Variants in SLC2A2 observed in about 807,000 individuals in gnomAD.
SLC2A2 encodes solute carrier family 2, facilitated glucose transporter member 2.
In SLC2A2, 36 loss-of-function variants were observed where a neutral mutation model predicts 54.5. That is an observed-to-expected ratio of 0.66 (90% CI 0.51 to 0.87). The LOEUF is 0.87. SLC2A2 is among the 40% of genes least tolerant of loss of function. The pLI is 0.00. For missense variants in SLC2A2, 543 were observed against 624.3 expected, an observed-to-expected ratio of 0.87 and a Z score of 1.39; for synonymous variants, 223 against 219.1, an observed-to-expected ratio of 1.02 and a Z score of -0.16.
chr3:171,009,912 GGTGTGTGT>G lies in SLC2A2; in HGVS notation c.496+38_496+45del, dbSNP rs71176588. ...TTAGAGTTACTTTCAGACAAAGGTA[GGTGTGTGT>G]GTGTGTGTGTGTGTGTGTGTGTGTG... On this transcript the variant is annotated intron_variant, in intron 4 of 10. Coordinates refer to ENST00000314251, the MANE Select transcript of SLC2A2 (RefSeq NM_000340.2). 1.3e-4 allele frequency: 170 copies of G among 1,325,210 alleles called. 1 individual carries two copies. Among genetic ancestry groups the G allele is most frequent in the South Asian group, 4.5e-4 (35 of 76,948 alleles). 82.1% of individuals were successfully genotyped at this position (1,325,210 alleles called of 1,614,324 possible).
At chr3:171,016,188 AC>A (rs1716143262) in intron 2 of SLC2A2, among the ~76,000 whole-genome samples, 2 of 152,230 alleles carry the variant, frequency 1.3e-5, no homozygotes, top group African/African-American at 4.8e-5. Flanking sequence ...GTAATCTAGC[AC>A]TTTGGGAGGC....
Position 171,002,684 on chromosome 3 carries a change from C to A in SLC2A2, c.964-4G>T, listed in dbSNP as rs1256542389. 6.4e-7 allele frequency: 1 copy of A among 1,570,430 alleles called. No homozygotes were observed. Among genetic ancestry groups the A allele is most frequent in the East Asian group, 2.3e-5 (1 of 44,192 alleles). Reference sequence around the variant, plus strand: ...TGCTGGTTGAGTAGTAAAAAATCTGCAAAGTAAAAACAGGTTAGCCTTAAT... The same window carrying A: ...TGCTGGTTGAGTAGTAAAAAATCTGAAAAGTAAAAACAGGTTAGCCTTAAT... On this transcript the variant is annotated splice_polypyrimidine_tract_variant and splice_region_variant and intron_variant, in intron 7 of 10. Transcript: ENST00000314251.
chr3:171,007,115 G>A (rs759604541), intron 5 of SLC2A2, 33 bp downstream of exon 5: 1 of 1,182,596 alleles, frequency 8.5e-7, no homozygotes, highest in Non-Finnish European at 1.3e-6. Flanking sequence ...AAGTAGATGG[G>A]TGCAGTAGGG....
At chr3:171,009,619 A>G (rs11928798) in intron 4 of SLC2A2, among the ~76,000 whole-genome samples, 31,809 of 152,004 alleles carry the variant, frequency 0.21, 4,556 homozygotes, top group African/African-American at 0.41. Flanking sequence ...CGTTTTACAT[A>G]TGTTCTCACA....
chr3:171,017,550 G>A (rs145557650), intron 2 of SLC2A2, among the ~76,000 whole-genome samples: 245 of 152,234 alleles, frequency 1.6e-3, no homozygotes, highest in African/African-American at 5.2e-3. Flanking sequence ...AGAAGGCACC[G>A]AAAAAATGTT....
rs182778895 is a variant in SLC2A2, at chr3:171,005,356, A to G, written c.892T>C (p.Ser298Pro). 1 of 1,612,954 alleles carries G rather than the reference A, an allele frequency of 6.2e-7. No homozygotes were observed. The highest frequency in any genetic ancestry group is 1.1e-5 in the South Asian group (1 of 91,060). The change falls in exon 7 of 11, where the codon TCC becomes CCC. Residue 298 changes from serine to proline, a missense_variant. Ser to Pro is a moderately conservative substitution (Grantham distance 74). Coordinates refer to ENST00000314251, the MANE Select transcript of SLC2A2 (RefSeq NM_000340.2). ...ACTAGAATAGGCTGTCGGTAGCTGG[A>G]ATTGGTGAAGAGCTGAATTATAGAG... ...KVSIIQLFTN[S>P]SYRQPILVAL...
chr3:171,014,740 T>G lies in SLC2A2; in HGVS notation c.109-9A>C. 1.9e-6 allele frequency: 3 copies of G among 1,607,152 alleles called. No individual in the cohort carries two copies. Among genetic ancestry groups the G allele is most frequent in the Non-Finnish European group, 8.5e-7 (1 of 1,173,798 alleles). ...TAGTGAGATATTATTACCTAGGAGA[T>G]AAAGAAAAATAGCTTTACTATTTCA... On this transcript the variant is annotated splice_polypyrimidine_tract_variant and intron_variant, in intron 2 of 10. Transcript: ENST00000314251.
At chr3:170,998,136 G>T in intron 10 of SLC2A2, 33 bp from the exon 11 acceptor site, 1 of 1,613,142 alleles carries the variant, frequency 6.2e-7, no homozygotes, top group Non-Finnish European at 8.5e-7. Flanking sequence ...CTTTGAGTTA[G>T]CAGTTTTTTG....
intron 8 of SLC2A2, among the ~76,000 whole-genome samples, chr3:171,001,606 T>A (rs926206549): frequency 3.3e-5 from 5 of 152,064 alleles, no homozygotes; most frequent in African/African-American, 9.7e-5. Flanking sequence ...AGTATAGTAT[T>A]GTGACTAAAA....
chr3:171,016,789 T>A (rs1716171897), intron 2 of SLC2A2, among the ~76,000 whole-genome samples: 1 of 152,018 alleles, frequency 6.6e-6, no homozygotes, highest in Admixed American at 6.6e-5. Context: ...GGACTTGGAT[T>A]GAAGGAGGTG....
rs915632307 is a variant in SLC2A2, at chr3:171,018,435, C to A, written c.108+96G>T. ...ACAGGCCAGGATGGCCTTGTGTCTC[C>A]CACGTGGACACCCTTTATCTCTGTG... On this transcript the variant is annotated intron_variant, in intron 2 of 10. Coordinates refer to ENST00000314251, the MANE Select transcript of SLC2A2 (RefSeq NM_000340.2). 17 of 897,518 alleles carry A rather than the reference C, an allele frequency of 1.9e-5. No homozygotes were observed. The African/African-American group carries it at 2.8e-4, about 15-fold the overall frequency. The allele number at this position is 897,518 out of a possible 1,614,324, so 55.6% of individuals were successfully genotyped here.
chr3:171,005,921 G>T lies in SLC2A2; in HGVS notation c.775+22C>A, dbSNP rs752685995. The T allele has an allele frequency of 1.9e-6, 3 of 1,608,790 alleles. No individual in the cohort carries two copies. In the Admixed American group the frequency reaches 5.0e-5, roughly 27 times the overall value. On this transcript the variant is annotated intron_variant, in intron 6 of 10. Coordinates refer to ENST00000314251, the MANE Select transcript of SLC2A2 (RefSeq NM_000340.2). ...ATAATGCCAAAACAATAGGAAGAAA[G>T]AAAAACCATCCACAGACTTACTTTG...
intron 8 of SLC2A2, 77 bp downstream of exon 8, chr3:171,002,499 G>C (rs1715385703): frequency 4.5e-6 from 4 of 891,246 alleles, no homozygotes; most frequent in African/African-American, 1.6e-5. Flanking sequence ...ATTGCTTTTA[G>C]AGCCGAAGTT....
At chr3:171,006,617 G>A (rs1000084900) in intron 5 of SLC2A2, among the ~76,000 whole-genome samples, 4 of 151,974 alleles carry the variant, frequency 2.6e-5, no homozygotes, top group African/African-American at 9.7e-5. Context: ...TATGGCAACA[G>A]TTTATAGACT....
intron 1 of SLC2A2, among the ~76,000 whole-genome samples, chr3:171,026,173 A>G (rs1393271352): frequency 3.3e-5 from 5 of 152,148 alleles, no homozygotes; most frequent in African/African-American, 9.7e-5. Context: ...AAATTTCCCA[A>G]CGTCTCCATA....
chr3:170,998,654 T>G (rs890326657), intron 9 of SLC2A2, among the ~76,000 whole-genome samples: 6 of 152,152 alleles, frequency 3.9e-5, no homozygotes, highest in Non-Finnish European at 8.8e-5. Context: ...GACCTTTGCT[T>G]CTGCTCATAC....
chr3:171,007,145 T>TA lies in SLC2A2; in HGVS notation c.612+2dup. ...GTAGGGGATAAGGATGGGGAGTTTT[T>TA]ACCTGACTAATAAGAATGCCCGTGA... On this transcript the variant is annotated splice_region_variant and intron_variant, in intron 5 of 10. Transcript: ENST00000314251. 1 of 1,586,588 alleles carries TA rather than the reference T, an allele frequency of 6.3e-7. No homozygotes were observed. The highest frequency in any genetic ancestry group is 8.7e-7 in the Non-Finnish European group (1 of 1,155,632).
In SLC2A2 at chr3:171,005,367, A is replaced by T. The variant is rs1205719797; in HGVS notation, c.881T>A (p.Leu294His). ...CTGTCGGTAGCTGGAATTGGTGAAG[A>T]GCTGAATTATAGAGACTTTCTGCTC... is the stretch of plus-strand genomic sequence containing the variant. ...SSEQKVSIIQ[L>H]FTNSSYRQPI... Residue 294 changes from leucine to histidine, a missense_variant, in exon 7 of 11, where the codon CTC (leucine) becomes CAC (histidine). Transcript: ENST00000314251. 2 of 1,612,864 alleles carry T rather than the reference A, an allele frequency of 1.2e-6. No individual in the cohort carries two copies. The highest frequency in any genetic ancestry group is 2.7e-5 in the African/African-American group (2 of 74,824).
intron 7 of SLC2A2, 145 bp from the exon 8 acceptor site, chr3:171,002,825 G>A (rs1715401220): frequency 3.1e-6 from 2 of 637,840 alleles, no homozygotes; most frequent in Non-Finnish European, 5.6e-6. Context: ...CTCCTTCCAA[G>A]GAAGAGAACC....
Sources: allele counts gnomAD v4.1 joint callset (sites outside exome capture counted in the v4.1 genomes callset), GRCh38; gene constraint gnomAD v4.1.1; transcripts MANE v1.5; gene names NCBI Gene and HGNC (gene_info 2026-07-23, HGNC 2026-07-21).